Variants in TRMT11 observed in about 807,000 individuals in gnomAD.
TRMT11 encodes tRNA methyltransferase 11.
TRMT11 carries 53 observed loss-of-function variants against 62.8 expected under a neutral mutation model. The observed-to-expected ratio is 0.84, with a 90% CI of 0.68 to 1.06. TRMT11 has a LOEUF of 1.06. Ranked by LOEUF, TRMT11 falls within the 50% of genes least tolerant of loss-of-function variation. The probability of loss-of-function intolerance (pLI) is 0.00; values close to 1 mark genes in which losing one functional copy is unlikely to be tolerated. For missense variants in TRMT11, 556 were observed against 553.4 expected (o/e 1.00, Z -0.05); for synonymous variants, 188 against 190.3 (o/e 0.99, Z 0.10).
At chr6:126,020,675 A>C (rs1795688624) in intron 11 of TRMT11, among the ~76,000 whole-genome samples, 2 of 152,228 alleles carry the variant, frequency 1.3e-5, no homozygotes, top group South Asian at 4.1e-4. Flanking sequence ...GATGTTTTTA[A>C]ATTAGACGTT....
At chr6:126,086,141 T>G (rs1200487458) in intron 17 of TRMT11, among the ~76,000 whole-genome samples, 2 of 152,140 alleles carry the variant, frequency 1.3e-5, no homozygotes, top group African/African-American at 4.8e-5. Flanking sequence ...TACTTTAAAC[T>G]AACAGATTAA....
At chr6:126,036,394 C>T (rs1376879130) in intron 12 of TRMT11, among the ~76,000 whole-genome samples, 2 of 151,990 alleles carry the variant, frequency 1.3e-5, no homozygotes, top group Non-Finnish European at 2.9e-5. Context: ...GGGAAGGAAA[C>T]ACTGGAGGCA....
intron 17 of TRMT11, among the ~76,000 whole-genome samples, chr6:126,074,385 G>A (rs1216988749): frequency 6.6e-6 from 1 of 152,136 alleles, no homozygotes; most frequent in Non-Finnish European, 1.5e-5. Context: ...ACAGGAGCAT[G>A]ATATTTGTTG....
the TRMT11 span, among the ~76,000 whole-genome samples, chr6:126,259,807 T>G: frequency 6.6e-6 from 1 of 152,204 alleles, no homozygotes. Flanking sequence ...ACTGATCTCC[T>G]TATCATTAAA....
At chr6:126,008,836 A>AC (rs1793755777) in intron 8 of TRMT11, 1 of 333,068 alleles carries the variant, frequency 3.0e-6, no homozygotes, top group Non-Finnish European at 5.5e-6. Context: ...TGGGCACCCC[A>AC]ACCCCATGTT....
At chr6:126,010,371 T>C (rs1793993908) in intron 8 of TRMT11, among the ~76,000 whole-genome samples, 1 of 152,078 alleles carries the variant, frequency 6.6e-6, no homozygotes, top group Non-Finnish European at 1.5e-5. Flanking sequence ...ATATTGTTTT[T>C]TTCCAGGCGT....
intron 17 of TRMT11, among the ~76,000 whole-genome samples, chr6:126,109,549 A>G: frequency 6.6e-6 from 1 of 152,168 alleles, no homozygotes; most frequent in Non-Finnish European, 1.5e-5. Context: ...ATGTTAACAG[A>G]TTGCTCTAAT....
At chr6:126,223,424 AAAAC>A in the TRMT11 span, among the ~76,000 whole-genome samples, 1 of 57,162 alleles carries the variant, frequency 1.7e-5, no homozygotes, top group Non-Finnish European at 3.5e-5. Context: ...CCGTCTCGAA[AAAAC>A]AAAACAAAAC....
At chr6:126,009,585 AT>A (rs1793879278) in intron 8 of TRMT11, among the ~76,000 whole-genome samples, 1 of 151,430 alleles carries the variant, frequency 6.6e-6, no homozygotes, top group Non-Finnish European at 1.5e-5. Context: ...ATTATACTTT[AT>A]TTTCTTTTGT....
intron 17 of TRMT11, among the ~76,000 whole-genome samples, chr6:126,082,599 C>G (rs1777170207): frequency 6.6e-6 from 1 of 152,020 alleles, no homozygotes; most frequent in Non-Finnish European, 1.5e-5. Flanking sequence ...AAATTGTGAT[C>G]TACTTTATGT....
At position 126,163,599 on chromosome 6, in the gene TRMT11, A is replaced by G. The variant is rs184516870; in HGVS notation, c.*1824-11226A>G. On this transcript the variant is annotated intron_variant and NMD_transcript_variant, in intron 21 of 22. Coordinates refer to the TRMT11 transcript ENST00000648977. The stretch of plus-strand genomic sequence containing the variant: ...ATTTAGGGAGGAGTCCCTCTTTTCT[A>G]TTGTTTGGAATAGTTTCGTAAGGAA... 2.5e-3 allele frequency among the ~76,000 whole-genome samples: 387 copies of G among 152,052 alleles called. 4 individuals carry two copies. Among genetic ancestry groups the G allele is most frequent in the African/African-American group, 8.6e-3 (358 of 41,432 alleles).
intron 17 of TRMT11, among the ~76,000 whole-genome samples, chr6:126,071,123 GTTC>G (rs1256746715): frequency 2.0e-5 from 3 of 152,076 alleles, no homozygotes; most frequent in Non-Finnish European, 2.9e-5. Context: ...AGAAGTAACA[GTTC>G]TTCTCCTCCC....
chr6:126,105,454 G>A (rs1194472270), intron 17 of TRMT11, among the ~76,000 whole-genome samples: 1 of 152,124 alleles, frequency 6.6e-6, no homozygotes, highest in East Asian at 1.9e-4. Flanking sequence ...GGTTGATCAC[G>A]CAGGAGGTAG....
At chr6:126,212,750 C>A in the TRMT11 span, among the ~76,000 whole-genome samples, 1 of 152,036 alleles carries the variant, frequency 6.6e-6, no homozygotes, top group East Asian at 1.9e-4. Context: ...TTGCTGATTG[C>A]TTCTTTTGCT....
intron 17 of TRMT11, among the ~76,000 whole-genome samples, chr6:126,062,186 A>C (rs1776554722): frequency 6.6e-6 from 1 of 152,186 alleles, no homozygotes; most frequent in African/African-American, 2.4e-5. Flanking sequence ...ATGCCTGGCC[A>C]ATATTTTTCA....
At chr6:126,074,233 G>T (rs1562316209) in intron 17 of TRMT11, among the ~76,000 whole-genome samples, 1 of 152,162 alleles carries the variant, frequency 6.6e-6, no homozygotes, top group Non-Finnish European at 1.5e-5. Flanking sequence ...CCGAGGTATT[G>T]TTTCCCTCAG....
At chr6:126,059,734 G>A (rs1776476804) in intron 17 of TRMT11, among the ~76,000 whole-genome samples, 1 of 152,162 alleles carries the variant, frequency 6.6e-6, no homozygotes, top group South Asian at 2.1e-4. Context: ...TCTGACTGAT[G>A]AGATCTGTGC....
At chr6:125,997,409 A>G (rs997589020) in intron 3 of TRMT11, among the ~76,000 whole-genome samples, 4 of 152,280 alleles carry the variant, frequency 2.6e-5, no homozygotes, top group African/African-American at 9.6e-5. Context: ...TGAGCATGCG[A>G]CAAAAAGGTG....
chr6:126,046,687 G>T (rs1349531091), intron 16 of TRMT11, among the ~76,000 whole-genome samples: 1 of 152,144 alleles, frequency 6.6e-6, no homozygotes, highest in Non-Finnish European at 1.5e-5. Flanking sequence ...ACAGTCCTGT[G>T]GGGGAAGGGT....
Sources: gnomAD v4.1 joint callset for allele counts (sites outside exome capture counted in the v4.1 genomes callset) on GRCh38, gnomAD v4.1.1 for gene constraint, MANE v1.5 for transcripts, NCBI Gene and HGNC (gene_info 2026-07-23, HGNC 2026-07-21) for gene names.